Variants in SMOC1 observed in about 807,000 individuals in gnomAD.
SMOC1 encodes SPARC-related modular calcium-binding protein 1.
Under a neutral mutation model 56.3 loss-of-function variants are expected in SMOC1, and 22 were observed. The observed-to-expected ratio is 0.39, with a 90% CI of 0.28 to 0.56. The LOEUF is 0.56. Ranked by LOEUF, SMOC1 falls within the 20% of genes least tolerant of loss-of-function variation. The probability of loss-of-function intolerance (pLI) is 0.61; values close to 1 mark genes in which losing one functional copy is unlikely to be tolerated. For synonymous variants in SMOC1, 193 were observed against 215.0 expected (o/e 0.90, Z 0.89); for missense variants, 509 against 565.4 (o/e 0.90, Z 1.01).
intron 10 of SMOC1, among the ~76,000 whole-genome samples, chr14:70,015,313 T>C (rs192035677): frequency 5.9e-5 from 9 of 151,328 alleles, no homozygotes; most frequent in Admixed American, 4.6e-4. Context: ...GGTGTCAAGT[T>C]TCAGCAAAGC....
intron 7 of SMOC1, among the ~76,000 whole-genome samples, chr14:70,003,819 G>T (rs1318368364): frequency 6.6e-6 from 1 of 152,182 alleles, no homozygotes; most frequent in African/African-American, 2.4e-5. Flanking sequence ...GGTAGGCAAA[G>T]ATCTCATGGT....
At chr14:69,934,597 C>G (rs2139400423) in intron 1 of SMOC1, among the ~76,000 whole-genome samples, 1 of 152,292 alleles carries the variant, frequency 6.6e-6, no homozygotes, top group South Asian at 2.1e-4. Flanking sequence ...TTGAAGGACT[C>G]AGCATCTTTG....
intron 3 of SMOC1, among the ~76,000 whole-genome samples, chr14:69,962,909 T>C (rs1397896768): frequency 6.6e-6 from 1 of 152,104 alleles, no homozygotes; most frequent in Non-Finnish European, 1.5e-5. Flanking sequence ...CAATTTATCT[T>C]TTTTTTCTCT....
chr14:69,979,663 C>T (rs1433546880), intron 5 of SMOC1, among the ~76,000 whole-genome samples: 2 of 152,092 alleles, frequency 1.3e-5, no homozygotes, highest in African/African-American at 4.8e-5. Flanking sequence ...CAAGATCTCA[C>T]TATGTTGCCT....
chr14:69,994,783 G>C (rs1032443756), intron 7 of SMOC1, among the ~76,000 whole-genome samples: 1 of 152,114 alleles, frequency 6.6e-6, no homozygotes, highest in South Asian at 2.1e-4. Flanking sequence ...AGAATGACTG[G>C]ACATAAAGAA....
At chr14:69,922,932 C>CTTTTTT (rs536127994) in intron 1 of SMOC1, among the ~76,000 whole-genome samples, 8 of 147,700 alleles carry the variant, frequency 5.4e-5, no homozygotes, top group African/African-American at 1.3e-4. Flanking sequence ...TCTCAGCCCT[C>CTTTTTT]TTTTTTTTGT....
intron 3 of SMOC1, among the ~76,000 whole-genome samples, chr14:69,973,663 G>A (rs896934875): frequency 5.9e-5 from 9 of 152,290 alleles, no homozygotes; most frequent in South Asian, 2.1e-4. Flanking sequence ...ATGCACCTTC[G>A]TGGTAGGAAC....
chr14:69,982,138 G>T (rs902845052), intron 5 of SMOC1, among the ~76,000 whole-genome samples: 1 of 152,186 alleles, frequency 6.6e-6, no homozygotes, highest in Non-Finnish European at 1.5e-5. Flanking sequence ...GGAATTTTCT[G>T]CGGTTTGCAT....
intron 10 of SMOC1, among the ~76,000 whole-genome samples, chr14:70,019,766 A>ACT (rs889679737): frequency 7.9e-5 from 12 of 151,760 alleles, no homozygotes; most frequent in African/African-American, 2.9e-4. Flanking sequence ...CCTATCCAGC[A>ACT]CTCCCCCAGG....
intron 1 of SMOC1, among the ~76,000 whole-genome samples, chr14:69,901,228 T>A (rs1011453041): frequency 6.6e-6 from 1 of 152,224 alleles, no homozygotes; most frequent in African/African-American, 2.4e-5. Context: ...AAGGGCTGCT[T>A]GAATTGTTAA....
chr14:70,025,536 A>G (rs138384689), intron 11 of SMOC1, among the ~76,000 whole-genome samples: 1,690 of 152,304 alleles, frequency 0.011, 29 homozygotes, highest in African/African-American at 0.039. Context: ...CAATGAGTCA[A>G]TGGTTCAAAC....
intron 7 of SMOC1, among the ~76,000 whole-genome samples, chr14:69,998,990 A>G (rs368783256): frequency 6.6e-6 from 1 of 152,102 alleles, no homozygotes; most frequent in Non-Finnish European, 1.5e-5. Flanking sequence ...TCCCTTCTCT[A>G]CATCATTGAA....
At chr14:70,010,261 C>T (rs1885289807) in intron 7 of SMOC1, among the ~76,000 whole-genome samples, 1 of 152,360 alleles carries the variant, frequency 6.6e-6, no homozygotes, top group African/African-American at 2.4e-5. Flanking sequence ...AGCATCACTC[C>T]ACATGAGGCT....
intron 1 of SMOC1, among the ~76,000 whole-genome samples, chr14:69,904,169 T>C (rs1232781893): frequency 6.6e-6 from 1 of 152,240 alleles, no homozygotes; most frequent in Non-Finnish European, 1.5e-5. Context: ...AATTCGCTGA[T>C]AAATTTTTTA....
intron 1 of SMOC1, among the ~76,000 whole-genome samples, chr14:69,903,678 C>T (rs1378354646): frequency 2.0e-5 from 3 of 152,076 alleles, no homozygotes; most frequent in African/African-American, 7.2e-5. Context: ...GCAAGATGTG[C>T]TTTGTTAAAC....
In SMOC1 at chr14:69,879,613, C is replaced by G. The variant is rs1319803453; in HGVS notation, c.-66C>G. 2 of 1,255,728 alleles carry G rather than the reference C, an allele frequency of 1.6e-6. No individual in the cohort carries two copies. Among genetic ancestry groups the G allele is most frequent in the African/African-American group, 1.6e-5 (1 of 63,108 alleles). The allele number at this position is 1,255,728 out of a possible 1,614,324, so 77.8% of individuals were successfully genotyped here. ...CCCCGAGCGAAGGAAGGAAGGGAGG[C>G]GCGCTGTGCGCCCCGCGGAGCCCGC... On this transcript the variant is annotated 5_prime_UTR_variant, in exon 1 of 12. Coordinates refer to ENST00000361956, the MANE Select transcript of SMOC1 (RefSeq NM_001034852.3).
In SMOC1 at chr14:69,998,443, A is replaced by T. The variant is rs574460068; in HGVS notation, c.664+3963A>T. On this transcript the variant is annotated intron_variant, in intron 7 of 11. Coordinates refer to ENST00000361956, the MANE Select transcript of SMOC1 (RefSeq NM_001034852.3). ...CTCTTGCTAAGTTTTTTTTTTTTTT[A>T]AATCAGGGGTTGGCTACCAAGGCAT... Among the ~76,000 whole-genome samples, 866 of 141,720 alleles carry T rather than the reference A, an allele frequency of 6.1e-3. 4 individuals carry two copies. The highest frequency in any genetic ancestry group is 0.021 in the African/African-American group (814 of 39,552). The allele number at this position is 141,720 out of a possible 152,430, so 93.0% of individuals were successfully genotyped here.
rs144659393 is a variant in SMOC1 at position 69,969,824 on chromosome 14, G to A, written c.379-5891G>A. On this transcript the variant is annotated intron_variant, in intron 3 of 11. Coordinates refer to ENST00000361956, the MANE Select transcript of SMOC1 (RefSeq NM_001034852.3). ...ATATTTCCAAAGTTATTTGGCCAGAGGACACCTTTATCCCTCATTATTTCT... is the reference window on the plus strand; with the variant it reads ...ATATTTCCAAAGTTATTTGGCCAGAAGACACCTTTATCCCTCATTATTTCT... Among the ~76,000 whole-genome samples, 617 of 152,210 alleles carry A rather than the reference G, an allele frequency of 4.1e-3. 3 individuals carry two copies. The highest frequency in any genetic ancestry group is 0.014 in the African/African-American group (585 of 41,508).
chr14:69,921,244 G>C (rs1884833561), intron 1 of SMOC1, among the ~76,000 whole-genome samples: 1 of 152,108 alleles, frequency 6.6e-6, no homozygotes, highest in African/African-American at 2.4e-5. Context: ...CTTCTGCCTT[G>C]GTCATTACAT....
Sources: gnomAD v4.1 joint callset for allele counts (sites outside exome capture counted in the v4.1 genomes callset) on GRCh38, gnomAD v4.1.1 for gene constraint, MANE v1.5 for transcripts, NCBI Gene and HGNC (gene_info 2026-07-23, HGNC 2026-07-21) for gene names.